Variants in GPC3 observed in about 807,000 individuals in gnomAD.
GPC3 encodes glypican 3.
A neutral mutation model predicts 34.4 loss-of-function variants in GPC3; 3 were observed. The observed-to-expected ratio is 0.09, with a 90% confidence interval of 0.04 to 0.23. GPC3 has a LOEUF of 0.23. Among genes scored for constraint, GPC3 ranks in the 10% least tolerant of loss-of-function variants. The pLI is 1.00. For synonymous variants in GPC3, 177 were observed against 174.0 expected (o/e 1.02, Z -0.13); for missense variants, 351 against 445.6 (o/e 0.79, Z 1.91).
chrX:133,731,346 A>G (rs1284573905), intron 3 of GPC3, among the ~76,000 whole-genome samples: 1 of 112,843 alleles, frequency 8.9e-6, no homozygotes, highest in Admixed American at 9.3e-5. Flanking sequence ...ATATTTCTAG[A>G]CTTAAGCATT....
chrX:133,577,962 C>T (rs2069701253), intron 7 of GPC3, among the ~76,000 whole-genome samples: 1 of 111,819 alleles, frequency 8.9e-6, no homozygotes, highest in South Asian at 3.8e-4. Context: ...CTTCAGTATT[C>T]TATACCCCTC....
chrX:133,865,220 T>C (rs1400957026), intron 2 of GPC3, among the ~76,000 whole-genome samples: 1 of 112,285 alleles, frequency 8.9e-6, no homozygotes, highest in Non-Finnish European at 1.9e-5. Flanking sequence ...ACTGCAACCA[T>C]AGTTTCTAAA....
intron 1 of GPC3, among the ~76,000 whole-genome samples, chrX:133,954,291 T>C (rs762949288): frequency 8.9e-6 from 1 of 112,497 alleles, no homozygotes; most frequent in East Asian, 2.8e-4. Context: ...GTCAAAATTA[T>C]CAACTTGCAC....
chrX:133,912,546 G>A (rs776456015), intron 2 of GPC3, among the ~76,000 whole-genome samples: 4 of 105,928 alleles, frequency 3.8e-5, no homozygotes, highest in South Asian at 4.5e-4. Flanking sequence ...AGGGGGGTGC[G>A]TGTTATTCCA....
chrX:133,941,386 G>A (rs1438377176), intron 2 of GPC3, among the ~76,000 whole-genome samples: 19 of 112,555 alleles, frequency 1.7e-4, no homozygotes, highest in Non-Finnish European at 3.7e-5. Context: ...CTATTAAAAG[G>A]CCAGAAAGGT....
At chrX:133,669,548 G>A (rs762359263) in intron 5 of GPC3, among the ~76,000 whole-genome samples, 3 of 112,246 alleles carry the variant, frequency 2.7e-5, no homozygotes, top group African/African-American at 6.5e-5. Context: ...ATGAGCCAGC[G>A]TGGCCCCAAT....
At chrX:133,820,505 A>G (rs2075713969) in intron 2 of GPC3, among the ~76,000 whole-genome samples, 1 of 111,380 alleles carries the variant, frequency 9.0e-6, no homozygotes, top group African/African-American at 3.3e-5. Flanking sequence ...GAGTTACCAG[A>G]TGATTTTGGA....
chrX:133,713,135 TA>T (rs2071286425), intron 3 of GPC3, among the ~76,000 whole-genome samples: 1 of 112,076 alleles, frequency 8.9e-6, no homozygotes, highest in Admixed American at 9.5e-5. Flanking sequence ...ATTCATCCAG[TA>T]TTAAGCACTA....
At chrX:133,768,796 C>A (rs2071880317) in intron 2 of GPC3, among the ~76,000 whole-genome samples, 1 of 110,195 alleles carries the variant, frequency 9.1e-6, no homozygotes, top group African/African-American at 3.3e-5. Flanking sequence ...AAAAACTAGC[C>A]AGGTGTGGTG....
rs139795943 is a variant in GPC3 at position 133,759,009 on chromosome X, G to A, written c.338-4833C>T. ...ACTAGGCAAGAATGTCCCTATTTCA[G>A]CACTCCTATTCAACATTATACTTAA... On this transcript the variant is annotated intron_variant, in intron 2 of 7. Coordinates refer to ENST00000370818, the MANE Select transcript of GPC3 (RefSeq NM_004484.4). Among the ~76,000 whole-genome samples, 519 of 110,999 alleles carry A rather than the reference G, an allele frequency of 4.7e-3. 3 individuals are homozygous for A. The highest frequency in any genetic ancestry group is 0.016 in the African/African-American group (488 of 30,582).
At chrX:133,797,427 C>T (rs760670256) in intron 2 of GPC3, among the ~76,000 whole-genome samples, 25 of 111,690 alleles carry the variant, frequency 2.2e-4, no homozygotes, top group African/African-American at 7.2e-4. Context: ...CACAAAACTA[C>T]AACTTCTTCC....
chrX:133,877,972 T>A (rs1299045198), intron 2 of GPC3, among the ~76,000 whole-genome samples: 2 of 111,859 alleles, frequency 1.8e-5, no homozygotes, highest in African/African-American at 3.2e-5. Context: ...TGTTTTTTTT[T>A]AATATTCTGC....
intron 5 of GPC3, chrX:133,671,428 T>C (rs1005206142): frequency 7.0e-5 from 33 of 472,331 alleles, no homozygotes; most frequent in Non-Finnish European, 1.1e-4. Flanking sequence ...GGATTTTTCA[T>C]GAGAGGATTT....
Position 133,536,192 on chromosome X carries a change from G to T in GPC3, c.1675C>A (p.His559Asn). The change falls in exon 8 of 8, where the codon CAT (histidine) becomes AAT (asparagine). Residue 559 changes from histidine to asparagine, a missense_variant. Coordinates refer to ENST00000370818, the MANE Select transcript of GPC3 (RefSeq NM_004484.4). ...CTGGTGAGAAGCTTCAGCGGGGAAT[G>T]AACGTTCCCGAGGTTGTGAAAGGTG... is the stretch of plus-strand genomic sequence containing the variant. ...ISTFHNLGNV[H>N]SPLKLLTSMA... 8.3e-7 allele frequency: 1 copy of T among 1,203,299 alleles called. No individual in the cohort carries two copies. The highest frequency in any genetic ancestry group is 1.1e-6 in the Non-Finnish European group (1 of 888,929).
rs149785321 is a variant in GPC3, at chrX:133,935,943, C to T, written c.337+17107G>A. ...ACAATCTTTTCTTGAGACGGGGTCT[C>T]GCTCTGTCACCCAGGCTGGAGTGCA... On this transcript the variant is annotated intron_variant, in intron 2 of 7. Coordinates refer to ENST00000370818, the MANE Select transcript of GPC3 (RefSeq NM_004484.4). Among the ~76,000 whole-genome samples, 892 of 110,164 alleles carry T rather than the reference C, an allele frequency of 8.1e-3. 14 individuals are homozygous for T. Among genetic ancestry groups the T allele is most frequent in the African/African-American group, 0.028 (852 of 30,277 alleles).
rs763607661 is a variant in GPC3, at chrX:133,644,074, C to A, written c.1413+17656G>T. On this transcript the variant is annotated intron_variant, in intron 6 of 7. Transcript: ENST00000370818. ...AACTCCTGACCTCGTGATCTGCCCG[C>A]CTCAGCCTCCCAAAGTGCTGGGATT... Among the ~76,000 whole-genome samples, 3 of 110,683 alleles carry A rather than the reference C, an allele frequency of 2.7e-5. No individual in the cohort carries two copies. The South Asian group carries it at 1.2e-3, about 44-fold the overall frequency.
intron 5 of GPC3, among the ~76,000 whole-genome samples, chrX:133,672,607 A>G (rs978110853): frequency 8.9e-6 from 1 of 112,171 alleles, no homozygotes; most frequent in African/African-American, 3.2e-5. Context: ...TTCTTGTCCT[A>G]CTCAAGCTAA....
chrX:133,909,366 G>C (rs192946723), intron 2 of GPC3, among the ~76,000 whole-genome samples: 2 of 111,879 alleles, frequency 1.8e-5, no homozygotes, highest in Non-Finnish European at 3.8e-5. Context: ...TGACATTCTG[G>C]CATGGTTGTT....
At chrX:133,840,484 T>C (rs2075819083) in intron 2 of GPC3, among the ~76,000 whole-genome samples, 1 of 111,230 alleles carries the variant, frequency 9.0e-6, no homozygotes, top group African/African-American at 3.3e-5. Context: ...GGGTTAAAGA[T>C]AGTAGTACCT....
Sources: allele counts gnomAD v4.1 joint callset (sites outside exome capture counted in the v4.1 genomes callset), GRCh38; gene constraint gnomAD v4.1.1; transcripts MANE v1.5; gene names NCBI Gene and HGNC (gene_info 2026-07-23, HGNC 2026-07-21).